CAMK2D: variants seen among roughly 807,000 people sequenced by gnomAD.
The protein encoded by CAMK2D is calcium/calmodulin-dependent protein kinase type II subunit delta.
CAMK2D carries 37 observed loss-of-function variants against 84.0 expected under a neutral mutation model. The observed-to-expected ratio is 0.44, with a 90% CI of 0.34 to 0.58. The LOEUF is 0.58. CAMK2D is among the 20% of genes least tolerant of loss of function. The pLI is 0.02. For synonymous variants in CAMK2D, 202 were observed against 212.5 expected, an observed-to-expected ratio of 0.95 and a Z score of 0.43; for missense variants, 448 against 652.5, an observed-to-expected ratio of 0.69 and a Z score of 3.41.
chr4:113,482,074 CT>C (rs2097707299), intron 16 of CAMK2D, among the ~76,000 whole-genome samples: 1 of 152,292 alleles, frequency 6.6e-6, no homozygotes, highest in African/African-American at 2.4e-5. Context: ...ATTCTGATGT[CT>C]TTGGCAGCCA....
intron 5 of CAMK2D, among the ~76,000 whole-genome samples, chr4:113,549,975 T>C (rs1200277810): frequency 6.6e-6 from 1 of 152,202 alleles, no homozygotes; most frequent in Non-Finnish European, 1.5e-5. Flanking sequence ...TTTACAATAA[T>C]GTTCACTTTG....
chr4:113,663,844 T>C (rs977123812), intron 2 of CAMK2D, among the ~76,000 whole-genome samples: 1 of 152,022 alleles, frequency 6.6e-6, no homozygotes, highest in African/African-American at 2.4e-5. Context: ...TATAAAAAAA[T>C]TATCGTATGA....
intron 2 of CAMK2D, among the ~76,000 whole-genome samples, chr4:113,735,288 GGAAAAAAAAAAAAAAA>G (rs1474428810): frequency 1.0e-4 from 6 of 59,002 alleles, no homozygotes; most frequent in East Asian, 5.6e-4. Context: ...CATCTCTACA[GGAAAAAAAAAAAAAAA>G]AAAAAAAAAA....
chr4:113,722,898 G>A (rs1205003094), intron 2 of CAMK2D, among the ~76,000 whole-genome samples: 2 of 152,156 alleles, frequency 1.3e-5, no homozygotes, highest in Non-Finnish European at 2.9e-5. Context: ...AAGGGGAAGT[G>A]AAGTAGGAGA....
intron 12 of CAMK2D, among the ~76,000 whole-genome samples, chr4:113,511,381 T>G (rs772412919): frequency 2.0e-5 from 3 of 152,142 alleles, no homozygotes; most frequent in Non-Finnish European, 4.4e-5. Flanking sequence ...GTTTTTAGTT[T>G]ACATGATGAT....
chr4:113,493,966 G>C (rs1435328764), intron 16 of CAMK2D, among the ~76,000 whole-genome samples: 1 of 152,062 alleles, frequency 6.6e-6, no homozygotes, highest in Non-Finnish European at 1.5e-5. Flanking sequence ...TCTTCACGTA[G>C]TTCTTGAGCC....
intron 8 of CAMK2D, among the ~76,000 whole-genome samples, chr4:113,526,414 ATGTGTG>A (rs35503858): frequency 8.0e-5 from 12 of 149,678 alleles, no homozygotes; most frequent in East Asian, 2.0e-4. Context: ...GTCATTCTTG[ATGTGTG>A]TGTGTGTGTG....
intron 16 of CAMK2D, among the ~76,000 whole-genome samples, chr4:113,485,054 C>T (rs945965808): frequency 6.6e-6 from 1 of 152,138 alleles, no homozygotes; most frequent in Admixed American, 6.6e-5. Flanking sequence ...AAAGCATGAT[C>T]CCAGCTCCTG....
chr4:113,586,974 C>G (rs2098837099), intron 4 of CAMK2D, among the ~76,000 whole-genome samples: 1 of 152,148 alleles, frequency 6.6e-6, no homozygotes, highest in Non-Finnish European at 1.5e-5. Flanking sequence ...GAGATAAAAA[C>G]AAACCATTCA....
At chr4:113,616,669 T>C (rs2099022606) in intron 3 of CAMK2D, among the ~76,000 whole-genome samples, 2 of 152,100 alleles carry the variant, frequency 1.3e-5, no homozygotes, top group African/African-American at 4.8e-5. Flanking sequence ...GAAAGAACAA[T>C]CAGTTCTTTT....
At chr4:113,704,877 T>A (rs1032943445) in intron 2 of CAMK2D, among the ~76,000 whole-genome samples, 1 of 152,020 alleles carries the variant, frequency 6.6e-6, no homozygotes, top group African/African-American at 2.4e-5. Flanking sequence ...AAGAACAAGC[T>A]GCCTGAATAA....
intron 2 of CAMK2D, among the ~76,000 whole-genome samples, chr4:113,675,954 T>G (rs957480716): frequency 6.6e-6 from 1 of 152,202 alleles, no homozygotes; most frequent in Admixed American, 6.5e-5. Flanking sequence ...GGAAACTCCT[T>G]TAGTTCAGAT....
chr4:113,566,807 C>T (rs192927295), intron 4 of CAMK2D, among the ~76,000 whole-genome samples: 2 of 152,332 alleles, frequency 1.3e-5, no homozygotes, highest in African/African-American at 2.4e-5. Context: ...TTCCCGATCA[C>T]CCTCTAAATC....
chr4:113,560,362 T>C (rs1230532898), intron 4 of CAMK2D, among the ~76,000 whole-genome samples: 1 of 152,100 alleles, frequency 6.6e-6, no homozygotes, highest in Non-Finnish European at 1.5e-5. Flanking sequence ...GCTTTGCCCA[T>C]GCTAATGGAC....
chr4:113,470,702 A>T (rs1166269181), intron 16 of CAMK2D, among the ~76,000 whole-genome samples: 1 of 151,834 alleles, frequency 6.6e-6, no homozygotes, highest in African/African-American at 2.4e-5. Context: ...CCGCGATGTT[A>T]TGAATTCATA....
At chr4:113,616,658 T>A (rs1242494066) in intron 3 of CAMK2D, among the ~76,000 whole-genome samples, 6 of 152,152 alleles carry the variant, frequency 3.9e-5, no homozygotes, top group Non-Finnish European at 5.9e-5. Flanking sequence ...ACAAACAGCA[T>A]GAAAGAACAA....
intron 3 of CAMK2D, among the ~76,000 whole-genome samples, chr4:113,630,346 T>C (rs17592968): frequency 0.13 from 19,754 of 152,224 alleles, 1,452 homozygotes; most frequent in Middle Eastern, 0.21. Flanking sequence ...AATGAATTAT[T>C]AGACCTGGGG....
Position 113,551,947 on chromosome 4 carries a change from C to T in CAMK2D, c.341+84G>A, listed in dbSNP as rs1439078134. 356 of 631,654 alleles carry T rather than the reference C, an allele frequency of 5.6e-4. 2 individuals carry two copies. The highest frequency in any genetic ancestry group is 4.4e-4 in the South Asian group (17 of 38,626). The allele number at this position is 631,654 out of a possible 1,614,324, so 39.1% of individuals were successfully genotyped here. ...GAGATCCTTAAAACATTTGTTTGTACAAACATGCATTTGTAAAGAAATATG... is the reference window on the plus strand; with the variant it reads ...GAGATCCTTAAAACATTTGTTTGTATAAACATGCATTTGTAAAGAAATATG... On this transcript the variant is annotated intron_variant, in intron 5 of 20. Transcript: ENST00000511664.
chr4:113,747,886 T>G (rs1400216686), intron 2 of CAMK2D, among the ~76,000 whole-genome samples: 1 of 152,110 alleles, frequency 6.6e-6, no homozygotes, highest in Non-Finnish European at 1.5e-5. Context: ...TTTTTGCATG[T>G]TTCATGAAAC....
Sources: allele counts gnomAD v4.1 joint callset (sites outside exome capture counted in the v4.1 genomes callset), GRCh38; gene constraint gnomAD v4.1.1; transcripts MANE v1.5; gene names NCBI Gene and HGNC (gene_info 2026-07-23, HGNC 2026-07-21).